The following RNF144A variants were observed in gnomAD, a reference collection of about 807,000 sequenced individuals.
RNF144A encodes E3 ubiquitin-protein ligase RNF144A.
RNF144A carries 11 observed loss-of-function variants against 38.7 expected under a neutral mutation model. That is an observed-to-expected ratio of 0.28 (90% CI 0.18 to 0.47). RNF144A has a LOEUF of 0.47. RNF144A is among the 20% of genes least tolerant of loss of function. RNF144A has a pLI of 0.99. For synonymous variants in RNF144A, 149 were observed against 143.9 expected (o/e 1.04, Z -0.25); for missense variants, 316 against 377.2 (o/e 0.84, Z 1.34).
chr2:7,074,908 T>A, the RNF144A span, among the ~76,000 whole-genome samples: 1 of 152,218 alleles, frequency 6.6e-6, no homozygotes, highest in South Asian at 2.1e-4. Flanking sequence ...GATCAAAGAA[T>A]GACATGGAAG....
chr2:6,959,587 G>A (rs1347133261), intron 2 of RNF144A, among the ~76,000 whole-genome samples: 1 of 152,082 alleles, frequency 6.6e-6, no homozygotes, highest in Non-Finnish European at 1.5e-5. Context: ...GGCCTCACGC[G>A]GCATCATAGC....
At chr2:7,066,370 A>T (rs1479013960) in intron 6 of RNF144A, among the ~76,000 whole-genome samples, 1 of 152,220 alleles carries the variant, frequency 6.6e-6, no homozygotes, top group East Asian at 1.9e-4. Context: ...TACAGGCGTC[A>T]GCCACCATGC....
At chr2:7,027,774 T>A (rs981961203) in intron 7 of RNF144A, among the ~76,000 whole-genome samples, 4 of 152,234 alleles carry the variant, frequency 2.6e-5, no homozygotes, top group African/African-American at 9.6e-5. Context: ...TTCCTGCAGC[T>A]CCTGGGATTG....
chr2:6,931,286 C>T (rs1665195621), intron 1 of RNF144A, among the ~76,000 whole-genome samples: 1 of 152,262 alleles, frequency 6.6e-6, no homozygotes, highest in Non-Finnish European at 1.5e-5. Context: ...TTTTATTCAT[C>T]TCTAAAGTGA....
chr2:7,043,131 G>A lies in RNF144A; in HGVS notation c.*3371G>A. On this transcript the variant is annotated 3_prime_UTR_variant, in exon 9 of 9. Transcript: ENST00000320892. ...GATCTGCCCACCTCGGCTTCCCAAAGTGCTGGAATTACAGGCCTGAGCCAC... is the reference window on the plus strand; with the variant it reads ...GATCTGCCCACCTCGGCTTCCCAAAATGCTGGAATTACAGGCCTGAGCCAC... 1 of 957,292 alleles carries A rather than the reference G, an allele frequency of 1.0e-6. No individual in the cohort carries two copies. 59.3% of individuals were successfully genotyped at this position (957,292 alleles called of 1,614,324 possible). A position where few individuals can be genotyped will look rare whatever the true frequency, so the allele number is the denominator to read the frequency against.
At chr2:6,996,681 G>T in intron 2 of RNF144A, 2 of 470,826 alleles carry the variant, frequency 4.2e-6, no homozygotes, top group East Asian at 3.5e-5. Context: ...TTGAACCCAT[G>T]AGGCGGAGGT....
In RNF144A at chr2:6,997,059, C is replaced by T; in HGVS notation, c.133C>T (p.Leu45=). The T allele has an allele frequency of 6.2e-7, 1 of 1,614,020 alleles. No individual in the cohort carries two copies. Among genetic ancestry groups the T allele is most frequent in the Non-Finnish European group, 8.5e-7 (1 of 1,179,896 alleles). Reference sequence around the variant, plus strand: ...CCAGTGCCAATGCATCTTCTGTACTCTGGTTGGTCTTTTTGGATAAAATAT... The same window carrying T: ...CCAGTGCCAATGCATCTTCTGTACTTTGGTTGGTCTTTTTGGATAAAATAT... ...IAQCQCIFCT[L]CLKQYVELLI... is the part of the protein sequence containing the mutation. The change falls in exon 3 of 9, where the codon CTG becomes TTG. Residue 45 remains leucine (L), a splice_region_variant and synonymous_variant. Transcript: ENST00000320892.
downstream of RNF144A, among the ~76,000 whole-genome samples, chr2:7,068,728 G>A (rs74762796): frequency 9.8e-5 from 15 of 152,290 alleles, no homozygotes; most frequent in East Asian, 2.9e-3. Context: ...AGATAGAGAC[G>A]GGGACTGAGA....
At chr2:6,956,902 A>C (rs1446232864) in intron 2 of RNF144A, among the ~76,000 whole-genome samples, 1 of 152,214 alleles carries the variant, frequency 6.6e-6, no homozygotes, top group African/African-American at 2.4e-5. Context: ...GTAGAAAATC[A>C]TGTGAAAATG....
intron 7 of RNF144A, among the ~76,000 whole-genome samples, chr2:7,028,149 G>T (rs2103442031): frequency 6.6e-6 from 1 of 152,324 alleles, no homozygotes; most frequent in East Asian, 1.9e-4. Context: ...TGGCTCTGGG[G>T]GCCAGTGGGT....
At chr2:6,971,874 A>G (rs941149421) in intron 2 of RNF144A, among the ~76,000 whole-genome samples, 1 of 152,126 alleles carries the variant, frequency 6.6e-6, no homozygotes, top group East Asian at 1.9e-4. Flanking sequence ...ATAGTATACA[A>G]TGTTTATTTC....
chr2:6,949,972 C>T (rs2103311908), intron 2 of RNF144A, among the ~76,000 whole-genome samples: 1 of 151,948 alleles, frequency 6.6e-6, no homozygotes, highest in South Asian at 2.1e-4. Context: ...TTTATTTACC[C>T]CTCTAGAAAA....
intron 2 of RNF144A, among the ~76,000 whole-genome samples, chr2:6,957,471 G>T (rs558928252): frequency 6.6e-6 from 1 of 152,202 alleles, no homozygotes; most frequent in Non-Finnish European, 1.5e-5. Context: ...GATGTTGTGC[G>T]TACTAAGAGG....
chr2:6,981,296 C>G (rs1668619190), intron 2 of RNF144A, among the ~76,000 whole-genome samples: 1 of 152,110 alleles, frequency 6.6e-6, no homozygotes, highest in South Asian at 2.1e-4. Flanking sequence ...TTTTTTACTA[C>G]ATGGTCAGGC....
chr2:7,043,024 C>T lies in RNF144A; in HGVS notation c.*3264C>T. The T allele has an allele frequency of 2.1e-6, 1 of 468,852 alleles. No homozygotes were observed. Among genetic ancestry groups the T allele is most frequent in the South Asian group, 9.0e-5 (1 of 11,068 alleles). 29.0% of individuals were successfully genotyped at this position (468,852 alleles called of 1,614,324 possible). ...CTGGGATTACAGGCACCCACCACCTCACCCAGCTAATTTTTGTATTTTCAG... is the reference window on the plus strand; with the variant it reads ...CTGGGATTACAGGCACCCACCACCTTACCCAGCTAATTTTTGTATTTTCAG... On this transcript the variant is annotated 3_prime_UTR_variant, in exon 9 of 9. Transcript: ENST00000320892.
rs181862260 is a variant in RNF144A at position 7,059,258 on chromosome 2, T to A, written c.735-8958T>A. Among the ~76,000 whole-genome samples, 478 of 151,712 alleles carry A rather than the reference T, an allele frequency of 3.2e-3. 8 individuals are homozygous for A. Among genetic ancestry groups the A allele is most frequent in the African/African-American group, 0.011 (453 of 41,322 alleles). On this transcript the variant is annotated intron_variant, in intron 6 of 6. Coordinates refer to the RNF144A transcript ENST00000432850. Reference sequence around the variant, plus strand: ...GCTACTTGGGAGGCTGAGGCAGGAGTATGGCATGAACCTGGGAGGTGGAGC... The same window carrying A: ...GCTACTTGGGAGGCTGAGGCAGGAGAATGGCATGAACCTGGGAGGTGGAGC...
chr2:7,042,879 CTTTTT>C lies in RNF144A; in HGVS notation c.*3120_*3124del. On this transcript the variant is annotated 3_prime_UTR_variant, in exon 9 of 9. Transcript: ENST00000320892. ...TCTGGCATTTTCTTTCTTTTTTTTT[CTTTTT>C]GAGACGGAGTTTCGCTTTTGTCCCC... 1 of 981,858 alleles carries C rather than the reference CTTTTT, an allele frequency of 1.0e-6. No individual in the cohort carries two copies. The highest frequency in any genetic ancestry group is 1.2e-6 in the Non-Finnish European group (1 of 827,178). The allele number at this position is 981,858 out of a possible 1,614,324, so 60.8% of individuals were successfully genotyped here.
chr2:7,000,689 T>G (rs1174423484), intron 3 of RNF144A, among the ~76,000 whole-genome samples: 1 of 152,114 alleles, frequency 6.6e-6, no homozygotes, highest in East Asian at 1.9e-4. Context: ...GGAGGTGCTG[T>G]GGTCCCATCC....
intron 7 of RNF144A, among the ~76,000 whole-genome samples, chr2:7,029,625 G>T (rs529770331): frequency 6.6e-6 from 1 of 152,342 alleles, no homozygotes; most frequent in Non-Finnish European, 1.5e-5. Context: ...GATGGAGGGG[G>T]ATGGATCAGC....
Sources: allele counts gnomAD v4.1 joint callset (sites outside exome capture counted in the v4.1 genomes callset), GRCh38; gene constraint gnomAD v4.1.1; transcripts MANE v1.5; gene names NCBI Gene and HGNC (gene_info 2026-07-23, HGNC 2026-07-21).